The following ABCD4 variants were observed in gnomAD, a reference collection of about 807,000 sequenced individuals.
The protein encoded by ABCD4 is ATP binding cassette subfamily D member 4.
Under a neutral mutation model 86.3 loss-of-function variants are expected in ABCD4, and 53 were observed. The observed-to-expected ratio is 0.61, with a 90% confidence interval of 0.49 to 0.77. The LOEUF is 0.77. ABCD4 is among the 30% of genes least tolerant of loss of function. ABCD4 has a pLI of 0.00. For synonymous variants in ABCD4, 328 were observed against 313.6 expected, an observed-to-expected ratio of 1.05 and a Z score of -0.49; for missense variants, 757 against 764.5, an observed-to-expected ratio of 0.99 and a Z score of 0.12.
chr14:74,289,394 C>A (rs750769731), intron 14 of ABCD4, 89 bp downstream of exon 14: 1 of 1,569,686 alleles, frequency 6.4e-7, no homozygotes, highest in Admixed American at 1.9e-5. Flanking sequence ...TGGAGCCTCT[C>A]CCCAAGGGCA....
intron 11 of ABCD4, among the ~76,000 whole-genome samples, chr14:74,290,770 C>T (rs2081292290): frequency 1.3e-5 from 2 of 150,092 alleles, no homozygotes; most frequent in African/African-American, 2.5e-5. Context: ...CTGCAACCTC[C>T]GCCTCCTGGG....
At position 74,286,272 on chromosome 14, in the gene ABCD4, A is replaced by G; in HGVS notation, c.*189T>C. ...TGGGAGACTGAACACTGGGAGATTCAGTGTCCCCCACAGAAACCTAGACCT... is the reference window on the plus strand; with the variant it reads ...TGGGAGACTGAACACTGGGAGATTCGGTGTCCCCCACAGAAACCTAGACCT... On this transcript the variant is annotated 3_prime_UTR_variant, in exon 19 of 19. Transcript: ENST00000356924. 1.7e-6 allele frequency: 1 copy of G among 600,226 alleles called. No individual in the cohort carries two copies. Among genetic ancestry groups the G allele is most frequent in the Non-Finnish European group, 2.9e-6 (1 of 341,430 alleles). The allele number at this position is 600,226 out of a possible 1,614,324, so 37.2% of individuals were successfully genotyped here.
chr14:74,298,257 G>A (rs968572892), intron 3 of ABCD4, among the ~76,000 whole-genome samples, 188 bp from the exon 4 acceptor site: 3 of 152,040 alleles, frequency 2.0e-5, no homozygotes, highest in African/African-American at 7.2e-5. Context: ...ACTCACTCAC[G>A]TGTTCATTCC....
intron 1 of ABCD4, among the ~76,000 whole-genome samples, chr14:74,302,186 C>G (rs946076285): frequency 6.6e-6 from 1 of 152,118 alleles, no homozygotes; most frequent in African/African-American, 2.4e-5. Context: ...TACAGTGTGG[C>G]TTGTGGGGGT....
At chr14:74,297,728 T>G in intron 4 of ABCD4, 7 of 1,302,186 alleles carry the variant, frequency 5.4e-6, no homozygotes, top group Non-Finnish European at 6.8e-6. Flanking sequence ...CCTGGCAGGC[T>G]TCTTCTTTTT....
Position 74,296,422 on chromosome 14 carries a change from C to G in ABCD4, c.453G>C (p.Glu151Asp). The G allele has an allele frequency of 6.2e-7, 1 of 1,614,124 alleles. No homozygotes were observed. Residue 151 changes from glutamate (E) to aspartate (D), a missense_variant, in exon 5 of 19, where the codon GAG (glutamate) becomes GAC (aspartate). Physicochemically the swap from Glu to Asp is conservative, Grantham distance 45. Coordinates refer to ENST00000356924, the MANE Select transcript of ABCD4 (RefSeq NM_005050.4). ...NPDQRISQDV[E>D]RFCRQLSSMA... ...TGCTGCTGAGCTGCCGGCAGAATCGCTCCACGTCCTGGCTGATGCGCTGGT... is the reference window on the plus strand; with the variant it reads ...TGCTGCTGAGCTGCCGGCAGAATCGGTCCACGTCCTGGCTGATGCGCTGGT...
chr14:74,299,962 C>T (rs372109051), intron 2 of ABCD4, 188 bp downstream of exon 2: 17 of 577,740 alleles, frequency 2.9e-5, no homozygotes, highest in African/African-American at 1.5e-4. Flanking sequence ...ACTCAGGAGG[C>T]GAAGGCAGGA....
Position 74,295,967 on chromosome 14 carries a change from G to A in ABCD4, c.555C>T (p.Leu185=), listed in dbSNP as rs188108983. 49 of 1,607,396 alleles carry A rather than the reference G, an allele frequency of 3.0e-5. No individual in the cohort carries two copies. The African/African-American group carries it at 3.1e-4, about 10-fold the overall frequency. ...AATACCCGAAGATGCTCACAGGCCC[G>A]AGCCAGCCTGTGCTGAAATAGAGAG... ...TYQCFQSTGW[L]GPVSIFGYFI... The change falls in exon 6 of 19, where the codon CTC becomes CTT. Residue 185 remains leucine, a synonymous_variant. Coordinates refer to ENST00000356924, the MANE Select transcript of ABCD4 (RefSeq NM_005050.4).
In ABCD4 at chr14:74,292,632, A is replaced by C. The variant is rs750165865; in HGVS notation, c.947T>G (p.Val316Gly). ...LSTLVSKNAF[V>G]CIYLISCFTQ... The stretch of plus-strand genomic sequence containing the variant: ...GAAGCAGCTGATGAGGTAGATGCAC[A>C]CAAAGGCATTCTGGACAGGATGGGA... The change falls in exon 10 of 19, where the codon GTG (valine) becomes GGG (glycine). Residue 316 changes from valine to glycine, a missense_variant. Coordinates refer to ENST00000356924, the MANE Select transcript of ABCD4 (RefSeq NM_005050.4). 2.1e-5 allele frequency: 34 copies of C among 1,613,866 alleles called. No homozygotes were observed. Among genetic ancestry groups the C allele is most frequent in the Non-Finnish European group, 2.9e-5 (34 of 1,179,998 alleles).
intron 14 of ABCD4, 62 bp downstream of exon 14, chr14:74,289,421 C>A: frequency 1.2e-6 from 2 of 1,606,358 alleles, no homozygotes; most frequent in South Asian, 2.2e-5. Flanking sequence ...AGGCCACAGT[C>A]AGGTAGAGCA....
At chr14:74,298,729 T>C (rs1212415646) in intron 3 of ABCD4, among the ~76,000 whole-genome samples, 2 of 152,236 alleles carry the variant, frequency 1.3e-5, no homozygotes, top group Non-Finnish European at 2.9e-5. Context: ...GAGATTTGTA[T>C]GCATAGGTGC....
At chr14:74,300,305 A>C (rs757507913) in intron 1 of ABCD4, 37 bp from the exon 2 acceptor site, 2 of 1,379,304 alleles carry the variant, frequency 1.5e-6, no homozygotes, top group Admixed American at 3.4e-5. Context: ...AAAGCCCAAG[A>C]CAATAATTAA....
rs1035702763 is a variant in ABCD4, at chr14:74,292,798, C to T, written c.886G>A (p.Gly296Arg). The T allele has an allele frequency of 1.9e-6, 3 of 1,614,126 alleles. No homozygotes were observed. Among genetic ancestry groups the T allele is most frequent in the South Asian group, 1.1e-5 (1 of 91,074 alleles). The change falls in exon 9 of 19, where the codon GGG becomes AGG. Residue 296 changes from glycine (G) to arginine (R), a missense_variant. Coordinates refer to ENST00000356924, the MANE Select transcript of ABCD4 (RefSeq NM_005050.4). ...YVVIAIPIFS[G>R]VYGDLSPAEL... ...GCGGGACTCAGGTCTCCATAGACCC[C>T]GCTGAAAATGGGGATTGCGATGACA...
intron 4 of ABCD4, chr14:74,296,688 T>G: frequency 2.1e-6 from 1 of 484,442 alleles, no homozygotes; most frequent in Non-Finnish European, 3.7e-6. Context: ...CCTGAAAAAG[T>G]GGGAACTGAA....
intron 18 of ABCD4, 64 bp from the exon 19 acceptor site, chr14:74,286,593 G>C: frequency 6.2e-7 from 1 of 1,612,136 alleles, no homozygotes; most frequent in Non-Finnish European, 8.5e-7. Context: ...GAGGCCACTC[G>C]GTTCTCTCTG....
In ABCD4 at chr14:74,295,177, C is replaced by T; in HGVS notation, c.690G>A (p.Arg230=). The T allele has an allele frequency of 1.2e-6, 2 of 1,614,204 alleles. No individual in the cohort carries two copies. The highest frequency in any genetic ancestry group is 1.7e-6 in the Non-Finnish European group (2 of 1,180,032). ...GDFRFKHMQI[R]VNAEPAAFYR... ...AGAAAGCAGCAGGCTCCGCATTCAC[C>T]CGAATCTGCATGTGCTTGAACCTGG... Residue 230 remains arginine, a synonymous_variant, in exon 7 of 19, where the codon CGG becomes CGA. Transcript: ENST00000356924.
At chr14:74,288,443 A>G (rs2080436575) in intron 15 of ABCD4, 184 bp from the exon 16 acceptor site, 3 of 659,962 alleles carry the variant, frequency 4.5e-6, no homozygotes, top group African/African-American at 3.6e-5. Flanking sequence ...TATTCTACCA[A>G]TGACACTGTT....
chr14:74,301,160 C>A (rs866178117), intron 1 of ABCD4, among the ~76,000 whole-genome samples: 1 of 124,346 alleles, frequency 8.0e-6, no homozygotes, highest in Admixed American at 8.5e-5. Flanking sequence ...GGCCTAAAAT[C>A]TTTTTTTTTT....
rs1189910894 is a variant in ABCD4 at position 74,290,291 on chromosome 14, C to T, written c.1327G>A (p.Gly443Ser). The change falls in exon 12 of 19, where the codon GGC (glycine) becomes AGC (serine). Residue 443 changes from glycine to serine, a missense_variant and splice_region_variant. Transcript: ENST00000356924. The stretch of plus-strand genomic sequence containing the variant: ...GAGGCAGGGAGGGCCTGGCTCTCAC[C>T]CCGTGTACTCGTCCAGAGGCCACCC... The part of the protein sequence containing the change: ...VLGGLWTSTR[G>S]SVQMLTDFGP... 6.2e-7 allele frequency: 1 copy of T among 1,614,180 alleles called. No individual in the cohort carries two copies. The highest frequency in any genetic ancestry group is 8.5e-7 in the Non-Finnish European group (1 of 1,180,030).
Sources: allele counts gnomAD v4.1 joint callset (sites outside exome capture counted in the v4.1 genomes callset), GRCh38; gene constraint gnomAD v4.1.1; transcripts MANE v1.5; gene names NCBI Gene and HGNC (gene_info 2026-07-23, HGNC 2026-07-21).